The following AKAP11 variants were observed in gnomAD, a reference collection of about 807,000 sequenced individuals.
AKAP11 encodes the protein A-kinase anchor protein 11.
A neutral mutation model predicts 146.1 loss-of-function variants in AKAP11; 36 were observed. The ratio of observed to expected loss-of-function variants is 0.25; its 90% CI spans 0.19 to 0.33. AKAP11 has a LOEUF of 0.33. Ranked by LOEUF, AKAP11 falls within the 10% of genes least tolerant of loss-of-function variation. The pLI is 1.00. For missense variants in AKAP11, 2,201 were observed against 2,197.0 expected, an observed-to-expected ratio of 1.00 and a Z score of -0.04; for synonymous variants, 780 against 786.5, an observed-to-expected ratio of 0.99 and a Z score of 0.14.
At position 42,292,439 on chromosome 13, in the gene AKAP11, G is replaced by T; in HGVS notation, c.106G>T (p.Glu36Ter). Residue 36 changes from glutamate to a stop codon, truncating the protein, a stop_gained, in exon 4 of 13, where the codon GAA becomes TAA. Coordinates refer to ENST00000025301, the MANE Select transcript of AKAP11 (RefSeq NM_016248.4). LOFTEE classifies it high-confidence loss of function. ...AAAGTCTTTATTGCAGAGTCAGAAG[G>T]AACTATGCAGTGTAACAGCAGAGGA... is the stretch of plus-strand genomic sequence containing the variant. The part of the protein sequence containing the change: ...SVKSLLQSQK[E>*]LCSVTAEDCL... 6.3e-7 allele frequency: 1 copy of T among 1,596,414 alleles called. No individual in the cohort carries two copies. The highest frequency in any genetic ancestry group is 1.1e-5 in the South Asian group (1 of 88,262).
chr13:42,310,245 A>T (rs189575846), intron 9 of AKAP11, among the ~76,000 whole-genome samples: 36 of 152,308 alleles, frequency 2.4e-4, no homozygotes, highest in African/African-American at 8.4e-4. Context: ...CAAAGTTGTA[A>T]TGTGACTTAA....
Position 42,319,105 on chromosome 13 carries a change from A to G in AKAP11, c.5583A>G (p.Gln1861=), listed in dbSNP as rs758276355. The change falls in exon 13 of 13, where the codon CAA becomes CAG. Residue 1861 remains glutamine (Q), a synonymous_variant. Coordinates refer to ENST00000025301, the MANE Select transcript of AKAP11 (RefSeq NM_016248.4). ...TTTCTTAGCTTTCAAAACAATTACA[A>G]GAGAAAGGATGGAAAGTGGGAGACC... is the stretch of plus-strand genomic sequence containing the variant. ...KEFMLLSKQL[Q]EKGWKVGDLL... 1.2e-6 allele frequency: 2 copies of G among 1,613,800 alleles called. No homozygotes were observed. Among genetic ancestry groups the G allele is most frequent in the Non-Finnish European group, 1.7e-6 (2 of 1,179,804 alleles).
At chr13:42,292,558 A>G in intron 4 of AKAP11, 57 bp downstream of exon 4, 6 of 1,055,868 alleles carry the variant, frequency 5.7e-6, no homozygotes, top group Non-Finnish European at 6.9e-6. Flanking sequence ...ATTTTCATGC[A>G]TCTTTGTAGG....
rs1047219390 is a variant in AKAP11, at chr13:42,322,095, A to G, written c.*2867A>G. The G allele has an allele frequency of 2.0e-5, 3 of 152,314 alleles. No homozygotes were observed. The highest frequency in any genetic ancestry group is 4.4e-5 in the Non-Finnish European group (3 of 67,998). 9.4% of individuals were successfully genotyped at this position (152,314 alleles called of 1,614,324 possible). On this transcript the variant is annotated 3_prime_UTR_variant, in exon 13 of 13. Transcript: ENST00000025301. ...TTATAAATCACAGAAGAAAATGACA[A>G]TATCTGTTGGATATTTGATATAATT...
intron 8 of AKAP11, among the ~76,000 whole-genome samples, chr13:42,307,916 G>A (rs965395240): frequency 6.6e-6 from 1 of 152,178 alleles, no homozygotes; most frequent in Non-Finnish European, 1.5e-5. Flanking sequence ...ACTTTCTTGT[G>A]ATGATGGAAT....
intron 8 of AKAP11, among the ~76,000 whole-genome samples, chr13:42,308,208 A>G (rs770158167): frequency 1.7e-4 from 26 of 152,226 alleles, no homozygotes; most frequent in Non-Finnish European, 3.4e-4. Flanking sequence ...CCCTAGGGAT[A>G]GATCCATTGT....
chr13:42,316,995 A>G (rs1376752794), intron 11 of AKAP11, among the ~76,000 whole-genome samples: 1 of 152,130 alleles, frequency 6.6e-6, no homozygotes, highest in Non-Finnish European at 1.5e-5. Context: ...CTTGTGCCAC[A>G]GCCTCCTGAG....
chr13:42,298,201 A>G (rs1242635974), intron 6 of AKAP11, among the ~76,000 whole-genome samples: 1 of 152,080 alleles, frequency 6.6e-6, no homozygotes, highest in Admixed American at 6.6e-5. Context: ...AGTTAGTGAG[A>G]TAGGTGAATG....
chr13:42,312,926 C>T (rs1019999408), intron 9 of AKAP11, 121 bp from the exon 10 acceptor site: 1 of 764,274 alleles, frequency 1.3e-6, no homozygotes, highest in African/African-American at 1.8e-5. Context: ...GGATGTTCCC[C>T]TTCACTGTGG....
chr13:42,307,293 C>T (rs779885294), intron 8 of AKAP11, among the ~76,000 whole-genome samples: 5 of 151,876 alleles, frequency 3.3e-5, no homozygotes, highest in Non-Finnish European at 2.9e-5. Context: ...ACTAGGGATA[C>T]GGAAGTAAGT....
chr13:42,300,644 A>T lies in AKAP11; in HGVS notation c.1898A>T (p.Tyr633Phe). 6.2e-7 allele frequency: 1 copy of T among 1,614,048 alleles called. No homozygotes were observed. The highest frequency in any genetic ancestry group is 8.5e-7 in the Non-Finnish European group (1 of 1,179,922). ...ALSNALKDLQ[Y>F]VKKQIFTNTV... ...TCAAATGCCTTAAAAGATTTACAGT[A>T]TGTAAAGAAGCAGATATTCACAAAC... is the stretch of plus-strand genomic sequence containing the variant. The change falls in exon 8 of 13, where the codon TAT becomes TTT. Residue 633 changes from tyrosine to phenylalanine, a missense_variant. This residue lies in a region of AKAP11 where 1,867 missense variants were observed against 1,833.5 expected (regional missense o/e 1.02). Transcript: ENST00000025301.
chr13:42,303,028 A>G lies in AKAP11; in HGVS notation c.4282A>G (p.Lys1428Glu), dbSNP rs1960036657. 5 of 1,613,240 alleles carry G rather than the reference A, an allele frequency of 3.1e-6. No homozygotes were observed. In the East Asian group the frequency reaches 6.7e-5, roughly 22 times the overall value. The change falls in exon 8 of 13, where the codon AAA becomes GAA. Residue 1428 changes from lysine to glutamate, a missense_variant. Coordinates refer to ENST00000025301, the MANE Select transcript of AKAP11 (RefSeq NM_016248.4). ...AGAAGCAGACAAAAAGAGACAAAGT[A>G]AAAGAAATGAAGGTTACTTTTGTAA... The part of the protein sequence containing the change: ...HQEADKKRQS[K>E]RNEGYFCKNQ...
chr13:42,300,236 G>A lies in AKAP11; in HGVS notation c.1490G>A (p.Cys497Tyr). ...GAAGACTATGCAAAAAGCATTTCAT[G>A]TGAAGTACTAGGCTCAGTTCTTCGT... is the stretch of plus-strand genomic sequence containing the variant. ...TYEDYAKSIS[C>Y]EVLGSVLRTH... The change falls in exon 8 of 13, where the codon TGT becomes TAT. Residue 497 changes from cysteine (C) to tyrosine (Y), a missense_variant. Cys to Tyr is a radical substitution (Grantham distance 194). Around this residue, in one of 3 missense-constraint regions of AKAP11, gnomAD observed 1,867 missense variants for 1,833.5 expected, o/e 1.02. Coordinates refer to ENST00000025301, the MANE Select transcript of AKAP11 (RefSeq NM_016248.4). 6.2e-7 allele frequency: 1 copy of A among 1,613,936 alleles called. No homozygotes were observed.
chr13:42,302,823 TAGTG>T lies in AKAP11; in HGVS notation c.4081_4084del (p.Glu1361Ter). 6.2e-7 allele frequency: 1 copy of T among 1,613,938 alleles called. No individual in the cohort carries two copies. The highest frequency in any genetic ancestry group is 8.5e-7 in the Non-Finnish European group (1 of 1,179,998). On this transcript the variant is annotated frameshift_variant, in exon 8 of 13. Coordinates refer to ENST00000025301, the MANE Select transcript of AKAP11 (RefSeq NM_016248.4). LOFTEE classifies it high-confidence loss of function. ...AGATACTAAAACAGGAAGGTGGTAATAGTGAGTTGATAATGGATCAGTATGCCAA... is the reference window on the plus strand; with the variant it reads ...AGATACTAAAACAGGAAGGTGGTAATAGTTGATAATGGATCAGTATGCCAA...
chr13:42,279,950 C>T (rs1297857151), intron 1 of AKAP11, among the ~76,000 whole-genome samples: 1 of 152,192 alleles, frequency 6.6e-6, no homozygotes, highest in East Asian at 1.9e-4. Context: ...GCTGCTTCTA[C>T]TAAGGCTGCT....
chr13:42,305,404 G>T (rs1226131838), intron 8 of AKAP11, among the ~76,000 whole-genome samples: 1 of 152,134 alleles, frequency 6.6e-6, no homozygotes, highest in Non-Finnish European at 1.5e-5. Flanking sequence ...GTCTCTATTT[G>T]CCCTAATCAG....
At chr13:42,282,123 C>T (rs1959076045) in intron 1 of AKAP11, among the ~76,000 whole-genome samples, 1 of 151,988 alleles carries the variant, frequency 6.6e-6, no homozygotes, top group Admixed American at 6.5e-5. Context: ...CATATACCAC[C>T]ACACCCAGCT....
intron 8 of AKAP11, among the ~76,000 whole-genome samples, chr13:42,306,121 G>A (rs928674438): frequency 1.3e-5 from 2 of 152,086 alleles, no homozygotes; most frequent in Admixed American, 6.5e-5. Context: ...AAACAATTGC[G>A]AACCTCTGTC....
At chr13:42,313,232 AC>A (rs1364259040) in intron 10 of AKAP11, 102 bp downstream of exon 10, 2 of 790,784 alleles carry the variant, frequency 2.5e-6, no homozygotes, top group Non-Finnish European at 3.9e-6. Context: ...GTATGTATCA[AC>A]CTGCTTTTCT....
Sources: gnomAD v4.1 joint callset for allele counts (sites outside exome capture counted in the v4.1 genomes callset) on GRCh38, gnomAD v4.1.1 for gene constraint, gnomAD v4.1.1 regional missense constraint, MANE v1.5 for transcripts, NCBI Gene and HGNC (gene_info 2026-07-23, HGNC 2026-07-21) for gene names.